DLG1: variants seen among roughly 807,000 people sequenced by gnomAD.
DLG1 encodes the protein disks large homolog 1.
Under a neutral mutation model 123.4 loss-of-function variants are expected in DLG1, and 42 were observed. The observed-to-expected ratio is 0.34, with a 90% CI of 0.27 to 0.44. The LOEUF is 0.44. Among genes scored for constraint, DLG1 ranks in the 20% least tolerant of loss-of-function variants. The pLI, the probability that DLG1 is intolerant of heterozygous loss-of-function variation, is 1.00. For missense variants in DLG1, 942 were observed against 1,082.6 expected, an observed-to-expected ratio of 0.87 and a Z score of 1.82; for synonymous variants, 317 against 356.2, an observed-to-expected ratio of 0.89 and a Z score of 1.24.
chr3:197,199,763 C>T (rs1411245319), intron 4 of DLG1, among the ~76,000 whole-genome samples: 1 of 152,082 alleles, frequency 6.6e-6, no homozygotes, highest in African/African-American at 2.4e-5. Flanking sequence ...ACACTGAAAA[C>T]TTCATATAAA....
intron 13 of DLG1, among the ~76,000 whole-genome samples, chr3:197,112,021 A>G (rs1306718582): frequency 2.0e-5 from 3 of 152,168 alleles, no homozygotes. Context: ...AACCTGGGTG[A>G]TAAGATTAGA....
At chr3:197,063,190 A>T (rs1003912772) in intron 22 of DLG1, among the ~76,000 whole-genome samples, 9 of 118,538 alleles carry the variant, frequency 7.6e-5, no homozygotes, top group Admixed American at 1.7e-4. Flanking sequence ...AACTTAAAGT[A>T]TAAAAAAAAA....
chr3:197,064,048 T>C (rs1485223142), intron 22 of DLG1, among the ~76,000 whole-genome samples: 1 of 150,980 alleles, frequency 6.6e-6, no homozygotes, highest in Admixed American at 6.6e-5. Flanking sequence ...TCAGCCTCCT[T>C]AGCCAGGATT....
intron 3 of DLG1, among the ~76,000 whole-genome samples, chr3:197,289,061 T>G (rs1773516162): frequency 6.6e-6 from 1 of 152,194 alleles, no homozygotes. Flanking sequence ...ATTCTATAAT[T>G]ACGTGTTTTT....
Position 197,248,368 on chromosome 3 carries a change from T to C in DLG1, c.318+34311A>G, listed in dbSNP as rs542367320. Among the ~76,000 whole-genome samples, 13 of 152,268 alleles carry C rather than the reference T, an allele frequency of 8.5e-5. No individual in the cohort carries two copies. The East Asian group carries it at 2.3e-3, about 27-fold the overall frequency. On this transcript the variant is annotated intron_variant, in intron 4 of 24. Coordinates refer to ENST00000667157, the MANE Select transcript of DLG1 (RefSeq NM_001366207.1). The stretch of plus-strand genomic sequence containing the variant: ...TCATGCCAGGTGGGTCTCAATCTCT[T>C]ACCCCTGAGGCCACCACAATGAGGC...
chr3:197,155,663 T>A (rs2149816714), intron 5 of DLG1, among the ~76,000 whole-genome samples: 1 of 150,780 alleles, frequency 6.6e-6, no homozygotes, highest in South Asian at 2.1e-4. Flanking sequence ...GCATGGTGGC[T>A]CACACCTGTA....
chr3:197,194,626 C>A (rs1160762475), intron 4 of DLG1, 37 bp from the exon 5 acceptor site: 1 of 1,477,284 alleles, frequency 6.8e-7, no homozygotes. Flanking sequence ...CCCTGATAAG[C>A]AACATGAGTT....
intron 4 of DLG1, among the ~76,000 whole-genome samples, chr3:197,208,434 T>A (rs1729709387): frequency 6.8e-6 from 1 of 146,836 alleles, no homozygotes; most frequent in South Asian, 2.5e-4. Flanking sequence ...ATTGCCATGT[T>A]TACAATCGAA....
intron 4 of DLG1, among the ~76,000 whole-genome samples, chr3:197,256,605 A>C (rs977798782): frequency 1.3e-5 from 2 of 152,246 alleles, no homozygotes; most frequent in Non-Finnish European, 2.9e-5. Context: ...TTTAAATTCC[A>C]AATTTTTTTA....
chr3:197,228,044 T>C (rs2150574636), intron 4 of DLG1, among the ~76,000 whole-genome samples: 1 of 152,368 alleles, frequency 6.6e-6, no homozygotes, highest in East Asian at 1.9e-4. Context: ...GTGTCACCAA[T>C]GTTCTTTCAT....
At position 197,079,721 on chromosome 3, in the gene DLG1, T is replaced by G. The variant is rs1161318046; in HGVS notation, c.1905+1330A>C. Among the ~76,000 whole-genome samples, 3 of 152,196 alleles carry G rather than the reference T, an allele frequency of 2.0e-5. No individual in the cohort carries two copies. The East Asian group carries it at 5.8e-4, about 29-fold the overall frequency. On this transcript the variant is annotated intron_variant, in intron 17 of 24. Coordinates refer to ENST00000667157, the MANE Select transcript of DLG1 (RefSeq NM_001366207.1). ...TGGGATTTTTCCTCTAATACAAATT[T>G]CTATTTTAATATTGCTTCAGATCAC...
intron 24 of DLG1, 73 bp from the exon 25 acceptor site, chr3:197,044,802 A>G: frequency 1.2e-6 from 1 of 859,022 alleles, no homozygotes. Context: ...TTGATGAAAT[A>G]GTAGAAGCTA....
chr3:197,246,488 G>A (rs757733519), intron 4 of DLG1, among the ~76,000 whole-genome samples: 2 of 152,134 alleles, frequency 1.3e-5, no homozygotes, highest in Non-Finnish European at 2.9e-5. Context: ...GTCCTAACCT[G>A]AAGGGGTGTG....
chr3:197,227,871 A>C (rs1740797051), intron 4 of DLG1, among the ~76,000 whole-genome samples: 1 of 152,222 alleles, frequency 6.6e-6, no homozygotes, highest in Admixed American at 6.5e-5. Flanking sequence ...AAATCACATG[A>C]CTTGTGGAAC....
chr3:197,101,245 A>C (rs1056629452), intron 14 of DLG1, among the ~76,000 whole-genome samples: 19 of 152,250 alleles, frequency 1.2e-4, no homozygotes, highest in Non-Finnish European at 1.5e-5. Flanking sequence ...TCTTTATGGA[A>C]GAGCTTATTC....
intron 4 of DLG1, among the ~76,000 whole-genome samples, chr3:197,218,672 T>C (rs1735285817): frequency 6.6e-6 from 1 of 152,210 alleles, no homozygotes; most frequent in Admixed American, 6.5e-5. Flanking sequence ...TAGGCTATAT[T>C]CAAAAAATCA....
At chr3:197,245,380 T>C (rs114322766) in intron 4 of DLG1, among the ~76,000 whole-genome samples, 222 of 152,336 alleles carry the variant, frequency 1.5e-3, no homozygotes, top group African/African-American at 5.1e-3. Flanking sequence ...GTAGATACTT[T>C]AGGCGGCCTG....
chr3:197,077,349 C>A (rs1747956001), intron 17 of DLG1, among the ~76,000 whole-genome samples: 1 of 151,988 alleles, frequency 6.6e-6, no homozygotes, highest in South Asian at 2.1e-4. Flanking sequence ...CACACAGAGT[C>A]CAGCAAGAGA....
At chr3:197,084,466 C>T (rs1374501871) in intron 16 of DLG1, among the ~76,000 whole-genome samples, 2 of 151,814 alleles carry the variant, frequency 1.3e-5, no homozygotes, top group African/African-American at 2.4e-5. Flanking sequence ...CGCCCGCCAC[C>T]ACACCCAGCT....
Sources: allele counts gnomAD v4.1 joint callset (sites outside exome capture counted in the v4.1 genomes callset), GRCh38; gene constraint gnomAD v4.1.1; transcripts MANE v1.5; gene names NCBI Gene and HGNC (gene_info 2026-07-23, HGNC 2026-07-21).